Variants in DNAH6 observed in about 807,000 individuals in gnomAD.
DNAH6 encodes the protein dynein axonemal heavy chain 6, also known as axonemal beta dynein heavy chain 6.
A neutral mutation model predicts 491.4 loss-of-function variants in DNAH6; 340 were observed. The observed-to-expected ratio is 0.69, with a 90% CI of 0.63 to 0.76. The LOEUF is 0.76. Ranked by LOEUF, DNAH6 falls within the 30% of genes least tolerant of loss-of-function variation. DNAH6 has a pLI of 0.00. For missense variants in DNAH6, 4,443 were observed against 4,972.2 expected (o/e 0.89, Z 3.20); for synonymous variants, 1,603 against 1,686.1 (o/e 0.95, Z 1.21).
At chr2:84,637,103 C>A in intron 30 of DNAH6, 107 bp from the exon 31 acceptor site, 1 of 948,298 alleles carries the variant, frequency 1.1e-6, no homozygotes, top group Admixed American at 2.9e-5. Context: ...ATTCAGTAGT[C>A]TTTGCTTTAG....
chr2:84,743,730 G>A (rs1672719593), intron 62 of DNAH6, among the ~76,000 whole-genome samples: 1 of 152,192 alleles, frequency 6.6e-6, no homozygotes, highest in Non-Finnish European at 1.5e-5. Context: ...GCTGAGGCTG[G>A]AGAATTGCTT....
intron 32 of DNAH6, 22 bp from the exon 33 acceptor site, chr2:84,641,925 C>T (rs532350671): frequency 1.8e-5 from 28 of 1,530,366 alleles, no homozygotes; most frequent in South Asian, 2.4e-5. Flanking sequence ...TGATATTATC[C>T]GAAATATTCC....
At chr2:84,810,374 C>G (rs1362853604) in intron 72 of DNAH6, among the ~76,000 whole-genome samples, 1 of 152,208 alleles carries the variant, frequency 6.6e-6, no homozygotes, top group Non-Finnish European at 1.5e-5. Context: ...CTCCTTTGGT[C>G]ACTTTTTCTG....
chr2:84,722,188 C>T (rs916592855), intron 59 of DNAH6, among the ~76,000 whole-genome samples: 3 of 152,210 alleles, frequency 2.0e-5, no homozygotes, highest in Admixed American at 2.0e-4. Flanking sequence ...TGTGGTGCCA[C>T]TGCCTCCCAG....
rs368501478 is a variant in DNAH6, at chr2:84,727,788, G to T, written c.10092G>T (p.Glu3364Asp). The change falls in exon 61 of 77, where the codon GAG becomes GAT. Residue 3364 changes from glutamate (E) to aspartate (D), a missense_variant. Glu to Asp is a conservative substitution (Grantham distance 45). Coordinates refer to ENST00000389394, the MANE Select transcript of DNAH6 (RefSeq NM_001370.2). Reference sequence around the variant, plus strand: ...TCAATGTTTCAAGAGGACTTTTTGAGCAACATAAACTCATCTACAGCTTTA... The same window carrying T: ...TCAATGTTTCAAGAGGACTTTTTGATCAACATAAACTCATCTACAGCTTTA... ...AYVNVSRGLF[E>D]QHKLIYSFML... 1 of 1,551,606 alleles carries T rather than the reference G, an allele frequency of 6.4e-7. No individual in the cohort carries two copies. The highest frequency in any genetic ancestry group is 8.7e-7 in the Non-Finnish European group (1 of 1,146,776).
At chr2:84,765,064 C>CA (rs1416842525) in intron 64 of DNAH6, among the ~76,000 whole-genome samples, 8 of 151,332 alleles carry the variant, frequency 5.3e-5, no homozygotes, top group Non-Finnish European at 1.0e-4. Context: ...TAATATTGAG[C>CA]AAAAAAATTA....
intron 59 of DNAH6, among the ~76,000 whole-genome samples, chr2:84,720,897 G>A (rs1192340): frequency 0.073 from 11,080 of 152,202 alleles, 548 homozygotes; most frequent in African/African-American, 0.13. Flanking sequence ...TTTGCAAGGA[G>A]TTGCTTTGGA....
chr2:84,636,822 A>C (rs1688926444), intron 30 of DNAH6, among the ~76,000 whole-genome samples: 1 of 151,962 alleles, frequency 6.6e-6, no homozygotes, highest in African/African-American at 2.4e-5. Flanking sequence ...TGAGCCTGAG[A>C]TGTCAAGGCT....
At chr2:84,795,320 TAATAA>T (rs574462878) in intron 68 of DNAH6, among the ~76,000 whole-genome samples, 76 of 151,980 alleles carry the variant, frequency 5.0e-4, no homozygotes, top group Admixed American at 1.6e-3. Context: ...AGTGTAATAA[TAATAA>T]AATAAAATAA....
chr2:84,576,755 A>G (rs1223145377), intron 12 of DNAH6, among the ~76,000 whole-genome samples: 3 of 152,318 alleles, frequency 2.0e-5, no homozygotes, highest in Admixed American at 2.0e-4. Flanking sequence ...CAAATTGACA[A>G]AGGCCTTGAC....
Position 84,681,397 on chromosome 2 carries a change from TAAAGCA to T in DNAH6, c.6788_6793del (p.Lys2263_Gln2264del). ...TTCCTGAGTGACTTTCCACCAGCTG[TAAAGCA>T]AACTGCATCAAGCATTGTAGAAGCC... On this transcript the variant is annotated inframe_deletion, in exon 42 of 77. Transcript: ENST00000389394. The T allele has an allele frequency of 6.4e-7, 1 of 1,551,368 alleles. No individual in the cohort carries two copies. Among genetic ancestry groups the T allele is most frequent in the African/African-American group, 1.4e-5 (1 of 73,154 alleles).
the DNAH6 span, among the ~76,000 whole-genome samples, chr2:84,494,243 G>A: frequency 6.6e-6 from 1 of 152,172 alleles, no homozygotes; most frequent in African/African-American, 2.4e-5. Flanking sequence ...ACTATTAGTG[G>A]TAGCATATGA....
At chr2:84,777,266 T>C (rs1263962475) in intron 64 of DNAH6, 7 of 227,954 alleles carry the variant, frequency 3.1e-5, no homozygotes, top group Admixed American at 5.1e-5. Context: ...AAATATAAAA[T>C]TGCAGGTTTT....
chr2:84,578,124 A>G (rs1362287530), intron 13 of DNAH6, among the ~76,000 whole-genome samples: 2 of 152,184 alleles, frequency 1.3e-5, no homozygotes, highest in Non-Finnish European at 2.9e-5. Context: ...TGGCCCTTAT[A>G]GAAAACATTT....
At position 84,718,296 on chromosome 2, in the gene DNAH6, T is replaced by C; in HGVS notation, c.9704T>C (p.Ile3235Thr). 1 of 1,551,458 alleles carries C rather than the reference T, an allele frequency of 6.4e-7. No homozygotes were observed. Among genetic ancestry groups the C allele is most frequent in the East Asian group, 2.4e-5 (1 of 40,886 alleles). Residue 3235 changes from isoleucine (I) to threonine (T), a missense_variant, in exon 59 of 77, where the codon ATC becomes ACC. By Grantham distance (89) the Ile-to-Thr change is moderately conservative (BLOSUM62 -1). Coordinates refer to ENST00000389394, the MANE Select transcript of DNAH6 (RefSeq NM_001370.2). ...INTDKNQLKT[I>T]EEKILRMLFT... ...ACTGATAAAAACCAGTTGAAAACTATCGAAGAGAAAATCCTGAGAATGCTC... is the reference window on the plus strand; with the variant it reads ...ACTGATAAAAACCAGTTGAAAACTACCGAAGAGAAAATCCTGAGAATGCTC...
intron 14 of DNAH6, among the ~76,000 whole-genome samples, chr2:84,580,725 A>G (rs1458761207): frequency 7.1e-6 from 1 of 139,994 alleles, no homozygotes; most frequent in African/African-American, 2.5e-5. Flanking sequence ...CGAATTGCTT[A>G]TTATTGTTTG....
At chr2:84,733,703 A>G in intron 62 of DNAH6, 124 bp downstream of exon 62, 1 of 904,936 alleles carries the variant, frequency 1.1e-6, no homozygotes, top group Non-Finnish European at 1.6e-6. Flanking sequence ...CTTCATTTCT[A>G]AGAAACTGTA....
intron 68 of DNAH6, among the ~76,000 whole-genome samples, chr2:84,789,185 C>T (rs897789321): frequency 3.9e-5 from 6 of 152,330 alleles, no homozygotes; most frequent in African/African-American, 1.4e-4. Context: ...GCCACAGCAG[C>T]AGGCCATCCA....
At chr2:84,518,575 T>G (rs1368290662) in intron 2 of DNAH6, among the ~76,000 whole-genome samples, 1 of 152,228 alleles carries the variant, frequency 6.6e-6, no homozygotes, top group Non-Finnish European at 1.5e-5. Flanking sequence ...CCATTAGACG[T>G]TAGCTACATC....
Sources: allele counts gnomAD v4.1 joint callset (sites outside exome capture counted in the v4.1 genomes callset), GRCh38; gene constraint gnomAD v4.1.1; transcripts MANE v1.5; gene names NCBI Gene and HGNC (gene_info 2026-07-23, HGNC 2026-07-21).